Variants in TENM3 observed in about 807,000 individuals in gnomAD.
TENM3 encodes the protein teneurin-3.
A neutral mutation model predicts 255.1 loss-of-function variants in TENM3; 63 were observed. That is an observed-to-expected ratio of 0.25 (90% CI 0.20 to 0.30). The LOEUF is 0.30. Ranked by LOEUF, TENM3 falls within the 10% of genes least tolerant of loss-of-function variation. The pLI is 1.00. For missense variants in TENM3, 2,929 were observed against 3,461.1 expected, an observed-to-expected ratio of 0.85 and a Z score of 3.86; for synonymous variants, 1,306 against 1,322.3, an observed-to-expected ratio of 0.99 and a Z score of 0.27.
At chr4:181,609,266 A>T in the TENM3 span, among the ~76,000 whole-genome samples, 5 of 152,210 alleles carry the variant, frequency 3.3e-5, no homozygotes, top group South Asian at 1.0e-3. Context: ...TTTTCTTTTG[A>T]CTTCTTTTTT....
At chr4:182,097,679 T>G in the TENM3 span, among the ~76,000 whole-genome samples, 146,357 of 152,188 alleles carry the variant, frequency 0.96, 70,591 homozygotes, top group East Asian at 1. Context: ...CCCCGTGTGG[T>G]CCGGAAAAGG....
chr4:181,668,342 C>A, the TENM3 span, among the ~76,000 whole-genome samples: 2 of 152,124 alleles, frequency 1.3e-5, no homozygotes, highest in East Asian at 3.9e-4. Context: ...CAGTTTTATT[C>A]CTGTATTAGT....
the TENM3 span, among the ~76,000 whole-genome samples, chr4:181,789,803 A>T: frequency 6.6e-6 from 1 of 152,144 alleles, no homozygotes; most frequent in Non-Finnish European, 1.5e-5. Context: ...CTAAGCTTCC[A>T]GATTGCTGAA....
At chr4:181,452,797 G>GA in the TENM3 span, among the ~76,000 whole-genome samples, 1 of 152,264 alleles carries the variant, frequency 6.6e-6, no homozygotes, top group African/African-American at 2.4e-5. Context: ...TCATTTAACA[G>GA]AAAAAGCAAA....
At chr4:182,153,776 A>G (rs1367069839) in intron 1 of TENM3, among the ~76,000 whole-genome samples, 1 of 152,178 alleles carries the variant, frequency 6.6e-6, no homozygotes, top group African/African-American at 2.4e-5. Context: ...GGTAAATTTT[A>G]TATTGAGCTA....
the TENM3 span, among the ~76,000 whole-genome samples, chr4:181,704,057 G>A: frequency 1.3e-5 from 2 of 152,044 alleles, no homozygotes; most frequent in African/African-American, 2.4e-5. Context: ...AGGTGGATGC[G>A]GTCATTTGGC....
At chr4:181,607,503 C>T in the TENM3 span, among the ~76,000 whole-genome samples, 2 of 152,038 alleles carry the variant, frequency 1.3e-5, no homozygotes, top group African/African-American at 4.8e-5. Flanking sequence ...CAACCTCCAC[C>T]TCCTGGCTTC....
chr4:182,738,681 A>C, intron 18 of TENM3, 137 bp downstream of exon 18: 1 of 621,418 alleles, frequency 1.6e-6, no homozygotes. Flanking sequence ...GCAGAAAAAA[A>C]ATAAAGGTGA....
At chr4:182,773,068 C>A (rs28513681) in intron 22 of TENM3, among the ~76,000 whole-genome samples, 1 of 152,068 alleles carries the variant, frequency 6.6e-6, no homozygotes, top group Non-Finnish European at 1.5e-5. Context: ...TGTACTGCCA[C>A]CGAGGGAGTA....
At chr4:181,541,526 T>C in the TENM3 span, among the ~76,000 whole-genome samples, 2 of 152,216 alleles carry the variant, frequency 1.3e-5, no homozygotes, top group African/African-American at 2.4e-5. Flanking sequence ...CCTTTGTGTA[T>C]GGTTTGGCAA....
At chr4:182,003,606 T>C in the TENM3 span, among the ~76,000 whole-genome samples, 1 of 152,130 alleles carries the variant, frequency 6.6e-6, no homozygotes, top group Non-Finnish European at 1.5e-5. Flanking sequence ...GGACATGATA[T>C]TGACTTTGTT....
chr4:181,923,339 G>C, the TENM3 span, among the ~76,000 whole-genome samples: 12 of 152,164 alleles, frequency 7.9e-5, no homozygotes, highest in East Asian at 2.3e-3. Context: ...AATGAAAAAA[G>C]GTTGGAAAAG....
chr4:182,338,193 G>A lies in TENM3; in HGVS notation c.233-8458G>A, dbSNP rs552245223. On this transcript the variant is annotated intron_variant, in intron 2 of 27. Coordinates refer to ENST00000511685, the MANE Select transcript of TENM3 (RefSeq NM_001080477.4). Reference sequence around the variant, plus strand: ...GAAAGTTTTGGGTTTGTATTTTCCCGGCTTCCACAGGGGTAAGATTTGATT... The same window carrying A: ...GAAAGTTTTGGGTTTGTATTTTCCCAGCTTCCACAGGGGTAAGATTTGATT... Among the ~76,000 whole-genome samples, 9 of 152,200 alleles carry A rather than the reference G, an allele frequency of 5.9e-5. 1 individual carries two copies. Among genetic ancestry groups the A allele is most frequent in the African/African-American group, 1.9e-4 (8 of 41,520 alleles).
At chr4:181,486,301 G>A in the TENM3 span, among the ~76,000 whole-genome samples, 1 of 152,166 alleles carries the variant, frequency 6.6e-6, no homozygotes, top group Admixed American at 6.6e-5. Flanking sequence ...GGCCTCCGCT[G>A]CCAGCACAGC....
the TENM3 span, among the ~76,000 whole-genome samples, chr4:181,996,609 C>T: frequency 2.0e-5 from 3 of 152,092 alleles, no homozygotes; most frequent in African/African-American, 7.2e-5. Flanking sequence ...CCTTTTTTCC[C>T]ATCATTCTGT....
chr4:181,898,613 G>GCATT, the TENM3 span, among the ~76,000 whole-genome samples: 1 of 152,076 alleles, frequency 6.6e-6, no homozygotes, highest in Non-Finnish European at 1.5e-5. Context: ...AAGCTTCCTG[G>GCATT]CATTCATCTT....
chr4:182,603,728 T>C (rs1024474035), intron 4 of TENM3, among the ~76,000 whole-genome samples: 1 of 147,108 alleles, frequency 6.8e-6, no homozygotes, highest in African/African-American at 2.5e-5. Flanking sequence ...TTTAACTATT[T>C]TTTAATCTAG....
chr4:181,770,315 T>A, the TENM3 span, among the ~76,000 whole-genome samples: 3 of 152,052 alleles, frequency 2.0e-5, no homozygotes, highest in Admixed American at 6.6e-5. Context: ...ATTGAAAAAA[T>A]TATGATTAGA....
At position 182,729,415 on chromosome 4, in the gene TENM3, A is replaced by G. The variant is rs560926106; in HGVS notation, c.2585+234A>G. On this transcript the variant is annotated intron_variant, in intron 14 of 27. Coordinates refer to ENST00000511685, the MANE Select transcript of TENM3 (RefSeq NM_001080477.4). Reference sequence around the variant, plus strand: ...AACAGGACATTATATTAAAGAGTCAATAAATCTTCATTTAACTAGTTGATT... The same window carrying G: ...AACAGGACATTATATTAAAGAGTCAGTAAATCTTCATTTAACTAGTTGATT... Among the ~76,000 whole-genome samples the G allele has an allele frequency of 1.4e-4, 22 of 152,354 alleles. 1 individual carries two copies. Among genetic ancestry groups the G allele is most frequent in the South Asian group, 8.3e-4 (4 of 4,826 alleles).
Sources: allele counts gnomAD v4.1 joint callset (sites outside exome capture counted in the v4.1 genomes callset), GRCh38; gene constraint gnomAD v4.1.1; transcripts MANE v1.5; gene names NCBI Gene and HGNC (gene_info 2026-07-23, HGNC 2026-07-21).